ARHGAP10: variants seen among roughly 807,000 people sequenced by gnomAD.
ARHGAP10 encodes rho GTPase-activating protein 10.
In ARHGAP10, 87 loss-of-function variants were observed where a neutral mutation model predicts 108.6. The ratio of observed to expected loss-of-function variants is 0.80; its 90% CI spans 0.67 to 0.96. ARHGAP10 has a LOEUF of 0.96. Ranked by LOEUF, ARHGAP10 falls within the 40% of genes least tolerant of loss-of-function variation. ARHGAP10 has a pLI of 0.00. For missense variants in ARHGAP10, 939 were observed against 954.5 expected, an observed-to-expected ratio of 0.98 and a Z score of 0.21; for synonymous variants, 347 against 341.1, an observed-to-expected ratio of 1.02 and a Z score of -0.19.
At chr4:147,923,356 A>G (rs946882036) in intron 13 of ARHGAP10, among the ~76,000 whole-genome samples, 1 of 152,172 alleles carries the variant, frequency 6.6e-6, no homozygotes, top group African/African-American at 2.4e-5. Flanking sequence ...CCTGCATGAC[A>G]CCTAGGTGCA....
intron 18 of ARHGAP10, among the ~76,000 whole-genome samples, chr4:147,976,110 T>C (rs1283696523): frequency 6.6e-6 from 1 of 152,202 alleles, no homozygotes; most frequent in African/African-American, 2.4e-5. Context: ...CTTCCGTAGG[T>C]TGGTCTCTGT....
chr4:147,966,197 C>G (rs745979446), intron 17 of ARHGAP10, among the ~76,000 whole-genome samples: 1 of 151,958 alleles, frequency 6.6e-6, no homozygotes. Context: ...AAGAGGGGAA[C>G]AGTAAACTAA....
At chr4:147,795,264 T>C (rs763753541) in intron 1 of ARHGAP10, among the ~76,000 whole-genome samples, 14 of 152,242 alleles carry the variant, frequency 9.2e-5, no homozygotes, top group African/African-American at 1.4e-4. Context: ...AGTTTTGATA[T>C]GTAATCTACT....
intron 10 of ARHGAP10, among the ~76,000 whole-genome samples, chr4:147,884,847 T>C (rs1332106005): frequency 6.6e-6 from 1 of 152,180 alleles, no homozygotes; most frequent in Non-Finnish European, 1.5e-5. Context: ...ACTTGAAGTT[T>C]TTGAACTTAA....
chr4:147,990,919 G>A (rs1356727889), intron 18 of ARHGAP10, among the ~76,000 whole-genome samples: 1 of 152,076 alleles, frequency 6.6e-6, no homozygotes, highest in Admixed American at 6.5e-5. Flanking sequence ...GGGAGGCTGA[G>A]GTGGGAGGAT....
At chr4:147,884,917 T>G (rs1297744775) in intron 10 of ARHGAP10, among the ~76,000 whole-genome samples, 1 of 152,202 alleles carries the variant, frequency 6.6e-6, no homozygotes, top group East Asian at 1.9e-4. Context: ...TTCTCAAAGC[T>G]CATTCTGGCA....
At chr4:147,957,985 A>G (rs1222433306) in intron 16 of ARHGAP10, among the ~76,000 whole-genome samples, 1 of 152,202 alleles carries the variant, frequency 6.6e-6, no homozygotes. Context: ...CTGAATTCCA[A>G]ACTAAACTTA....
intron 1 of ARHGAP10, among the ~76,000 whole-genome samples, chr4:147,795,706 T>G (rs569657368): frequency 2.0e-5 from 3 of 151,564 alleles, no homozygotes; most frequent in East Asian, 3.9e-4. Flanking sequence ...TTTAATTTTT[T>G]TTTTTTTGGA....
chr4:147,886,625 A>G (rs945074080), intron 10 of ARHGAP10, among the ~76,000 whole-genome samples: 2 of 152,266 alleles, frequency 1.3e-5, no homozygotes, highest in East Asian at 1.9e-4. Flanking sequence ...GCTTGTTTGC[A>G]CAATCCCAAC....
At chr4:148,001,799 T>A (rs1000277284) in intron 18 of ARHGAP10, among the ~76,000 whole-genome samples, 3 of 152,238 alleles carry the variant, frequency 2.0e-5, no homozygotes, top group Non-Finnish European at 2.9e-5. Context: ...CTTACCAGCT[T>A]AAGGAGATTT....
intron 15 of ARHGAP10, among the ~76,000 whole-genome samples, chr4:147,951,803 C>G (rs970528029): frequency 7.2e-5 from 11 of 152,016 alleles, no homozygotes; most frequent in African/African-American, 2.2e-4. Flanking sequence ...AGTTGACATA[C>G]AATAAGCTGC....
chr4:147,990,162 C>T (rs1471156918), intron 18 of ARHGAP10, among the ~76,000 whole-genome samples: 1 of 152,178 alleles, frequency 6.6e-6, no homozygotes, highest in Non-Finnish European at 1.5e-5. Flanking sequence ...CATGGTGCAA[C>T]CTCATTATCT....
chr4:147,856,111 T>C lies in ARHGAP10; in HGVS notation c.385-1442T>C, dbSNP rs765196141. Among the ~76,000 whole-genome samples the C allele has an allele frequency of 6.6e-5, 10 of 152,332 alleles. No individual in the cohort carries two copies. In the South Asian group the frequency reaches 8.3e-4, roughly 13 times the overall value. On this transcript the variant is annotated intron_variant, in intron 4 of 22. Coordinates refer to ENST00000336498, the MANE Select transcript of ARHGAP10 (RefSeq NM_024605.4). ...AGCATGAGGACATGGTGTGCTCTCA[T>C]TGATACTCAAGAATGTTTATTAAAA...
chr4:147,743,011 T>C (rs1180648325), intron 1 of ARHGAP10, among the ~76,000 whole-genome samples: 1 of 151,268 alleles, frequency 6.6e-6, no homozygotes, highest in Non-Finnish European at 1.5e-5. Context: ...TTCTCTGCCA[T>C]ACTGATCGAT....
At chr4:148,043,001 C>CACTG (rs1225996486) in intron 19 of ARHGAP10, among the ~76,000 whole-genome samples, 3 of 152,108 alleles carry the variant, frequency 2.0e-5, no homozygotes, top group Non-Finnish European at 2.9e-5. Context: ...GATTGCCTGG[C>CACTG]ACTGCTTTGT....
chr4:147,993,525 G>A (rs1004066947), intron 18 of ARHGAP10, among the ~76,000 whole-genome samples: 2 of 152,168 alleles, frequency 1.3e-5, no homozygotes, highest in Admixed American at 6.5e-5. Flanking sequence ...GATTAAAAAA[G>A]CATGTCATGC....
intron 4 of ARHGAP10, among the ~76,000 whole-genome samples, chr4:147,847,975 C>T (rs925110446): frequency 6.6e-6 from 1 of 152,164 alleles, no homozygotes; most frequent in African/African-American, 2.4e-5. Flanking sequence ...GTAACATTTG[C>T]ATGCTGTTGA....
chr4:147,849,491 C>T (rs1733773821), intron 4 of ARHGAP10, among the ~76,000 whole-genome samples: 3 of 152,152 alleles, frequency 2.0e-5, no homozygotes, highest in Non-Finnish European at 4.4e-5. Flanking sequence ...GGTTAAAGAG[C>T]TTTTTGTAAA....
intron 13 of ARHGAP10, among the ~76,000 whole-genome samples, chr4:147,930,308 G>A (rs1737628002): frequency 6.6e-6 from 1 of 152,036 alleles, no homozygotes; most frequent in Non-Finnish European, 1.5e-5. Context: ...ATCTTTTTCT[G>A]TCATGTATTT....
Sources: allele counts gnomAD v4.1 joint callset (sites outside exome capture counted in the v4.1 genomes callset), GRCh38; gene constraint gnomAD v4.1.1; transcripts MANE v1.5; gene names NCBI Gene and HGNC (gene_info 2026-07-23, HGNC 2026-07-21).